Variants in DAB1 observed in about 807,000 individuals in gnomAD.
DAB1 encodes DAB adaptor protein 1, also known as disabled homolog 1.
DAB1 carries 15 observed loss-of-function variants against 64.6 expected under a neutral mutation model. The ratio of observed to expected loss-of-function variants is 0.23; its 90% CI spans 0.16 to 0.36. The LOEUF is 0.36. Among genes scored for constraint, DAB1 ranks in the 10% least tolerant of loss-of-function variants. The pLI is 1.00. For synonymous variants in DAB1, 235 were observed against 251.9 expected, an observed-to-expected ratio of 0.93 and a Z score of 0.64; for missense variants, 596 against 706.7, an observed-to-expected ratio of 0.84 and a Z score of 1.78.
At chr1:57,322,751 T>C (rs866221815) in intron 1 of DAB1, among the ~76,000 whole-genome samples, 13 of 152,216 alleles carry the variant, frequency 8.5e-5, no homozygotes, top group African/African-American at 2.9e-4. Context: ...AAGATGACAG[T>C]ACCACACAAT....
intron 7 of DAB1, among the ~76,000 whole-genome samples, chr1:57,457,773 C>T (rs1372620763): frequency 1.3e-5 from 2 of 152,048 alleles, no homozygotes; most frequent in Admixed American, 1.3e-4. Flanking sequence ...GCAGTTTAAA[C>T]TCCCAAGAAA....
chr1:57,358,197 T>G (rs2100886477), intron 1 of DAB1, among the ~76,000 whole-genome samples: 1 of 152,172 alleles, frequency 6.6e-6, no homozygotes, highest in Non-Finnish European at 1.5e-5. Flanking sequence ...TGAACAGAAG[T>G]GGTGAAAGTG....
intron 5 of DAB1, among the ~76,000 whole-genome samples, chr1:57,963,907 C>T (rs1645589150): frequency 6.6e-6 from 1 of 152,208 alleles, no homozygotes; most frequent in South Asian, 2.1e-4. Flanking sequence ...TCCCTGCGAA[C>T]ACTACAGGAA....
intron 7 of DAB1, among the ~76,000 whole-genome samples, chr1:57,482,477 TAAAAAAAAAAAAAAAA>T (rs918167439): frequency 3.3e-5 from 2 of 61,200 alleles, no homozygotes; most frequent in Non-Finnish European, 3.4e-5. Flanking sequence ...CTGAAAGTTG[TAAAAAAAAAAAAAAAA>T]AAAAAAAAAA....
chr1:58,141,496 A>G (rs1406448865), intron 5 of DAB1, among the ~76,000 whole-genome samples: 1 of 152,122 alleles, frequency 6.6e-6, no homozygotes, highest in African/African-American at 2.4e-5. Context: ...TTGCGTAGGG[A>G]CACAGCCAAA....
chr1:57,263,120 A>AATT (rs1553162141), intron 2 of DAB1, among the ~76,000 whole-genome samples: 14 of 148,814 alleles, frequency 9.4e-5, no homozygotes, highest in African/African-American at 3.5e-4. Context: ...AGAAGATAAA[A>AATT]TTTTTTTTTT....
intron 2 of DAB1, among the ~76,000 whole-genome samples, chr1:57,204,826 T>C (rs1665410125): frequency 1.3e-5 from 2 of 152,246 alleles, no homozygotes; most frequent in South Asian, 4.1e-4. Context: ...TTGACTAAAG[T>C]ATTCTTTAGC....
intron 1 of DAB1, among the ~76,000 whole-genome samples, chr1:57,316,336 A>G (rs1675205431): frequency 6.6e-6 from 1 of 152,192 alleles, no homozygotes; most frequent in South Asian, 2.1e-4. Flanking sequence ...TTTGTAATAA[A>G]ATCTTGTGCA....
rs571791497 is a variant in DAB1, at chr1:58,410,195, T to C, written n.258-66792A>G. Among the ~76,000 whole-genome samples, 587 of 152,338 alleles carry C rather than the reference T, an allele frequency of 3.9e-3. 7 individuals carry two copies. Among genetic ancestry groups the C allele is most frequent in the African/African-American group, 0.013 (553 of 41,586 alleles). On this transcript the variant is annotated intron_variant and non_coding_transcript_variant, in intron 3 of 20. Transcript: ENST00000485760. ...GGGCCCACCCAGCCCCATGAAGGAA[T>C]TGAAAAGATGCCATGCGGCTTTATG... is the stretch of plus-strand genomic sequence containing the variant.
In DAB1 at chr1:57,625,471, T is replaced by C. The variant is rs1447179257; in HGVS notation, n.625+24121A>G. Among the ~76,000 whole-genome samples, 5 of 152,078 alleles carry C rather than the reference T, an allele frequency of 3.3e-5. No individual in the cohort carries two copies. The East Asian group carries it at 9.6e-4, about 29-fold the overall frequency. ...TGCCCTTGTAGGCCTCAGGGTTTTA[T>C]GGGGGAGGCAAACAACCCTGCTAAG... On this transcript the variant is annotated intron_variant and non_coding_transcript_variant, in intron 7 of 20. Coordinates refer to the DAB1 transcript ENST00000485760.
At chr1:57,387,775 T>C (rs534005223) in intron 1 of DAB1, among the ~76,000 whole-genome samples, 27 of 137,288 alleles carry the variant, frequency 2.0e-4, no homozygotes, top group Non-Finnish European at 3.8e-4. Flanking sequence ...TGAGCCAAGA[T>C]CATGCCACTG....
intron 7 of DAB1, among the ~76,000 whole-genome samples, chr1:57,592,200 G>A (rs61769600): frequency 0.26 from 39,569 of 152,032 alleles, 6,058 homozygotes; most frequent in African/African-American, 0.41. Context: ...TGAGGAGAAA[G>A]AGCACTCATT....
intron 12 of DAB1, among the ~76,000 whole-genome samples, chr1:57,012,892 G>A (rs1274906623): frequency 6.6e-6 from 1 of 152,228 alleles, no homozygotes; most frequent in Non-Finnish European, 1.5e-5. Flanking sequence ...TCAATGGAAA[G>A]CATAAGCAGG....
intron 3 of DAB1, among the ~76,000 whole-genome samples, chr1:58,430,254 A>C (rs894568043): frequency 2.0e-5 from 3 of 152,234 alleles, no homozygotes; most frequent in African/African-American, 7.2e-5. Flanking sequence ...ACTTATGTGA[A>C]AAGTCTAGCA....
chr1:57,633,010 G>A (rs1439581436), intron 7 of DAB1, among the ~76,000 whole-genome samples: 1 of 152,188 alleles, frequency 6.6e-6, no homozygotes, highest in South Asian at 2.1e-4. Flanking sequence ...TTTTTCTAAA[G>A]CAGACAGTAA....
chr1:57,791,723 T>G (rs1163717851), intron 6 of DAB1, among the ~76,000 whole-genome samples: 2 of 152,174 alleles, frequency 1.3e-5, no homozygotes, highest in African/African-American at 4.8e-5. Flanking sequence ...CAGCTCATTG[T>G]GTGCCTGAGA....
intron 3 of DAB1, among the ~76,000 whole-genome samples, chr1:58,440,357 C>T (rs145373227): frequency 1.9e-4 from 29 of 152,274 alleles, no homozygotes; most frequent in African/African-American, 6.0e-4. Flanking sequence ...AACAGTTCAA[C>T]GAGCAGGAGG....
intron 5 of DAB1, among the ~76,000 whole-genome samples, chr1:58,133,860 T>C (rs1258312183): frequency 6.6e-6 from 1 of 152,214 alleles, no homozygotes; most frequent in African/African-American, 2.4e-5. Context: ...ATGAGCAACA[T>C]TGCCAATTTA....
intron 4 of DAB1, among the ~76,000 whole-genome samples, chr1:58,321,933 G>A (rs1662693815): frequency 6.6e-6 from 1 of 152,222 alleles, no homozygotes; most frequent in Non-Finnish European, 1.5e-5. Flanking sequence ...TGGTGTTTGA[G>A]CTCTGAGAAT....
Sources: allele counts gnomAD v4.1 joint callset (sites outside exome capture counted in the v4.1 genomes callset), GRCh38; gene constraint gnomAD v4.1.1; transcripts MANE v1.5; gene names NCBI Gene and HGNC (gene_info 2026-07-23, HGNC 2026-07-21).